Variants in MYO16 observed in about 807,000 individuals in gnomAD.
MYO16 encodes the protein myosin XVI.
MYO16 carries 94 observed loss-of-function variants against 205.3 expected under a neutral mutation model. The ratio of observed to expected loss-of-function variants is 0.46; its 90% confidence interval spans 0.39 to 0.54. The LOEUF (loss-of-function observed/expected upper bound fraction) is 0.54, where lower values mean the gene tolerates loss of function less well. Among genes scored for constraint, MYO16 ranks in the 20% least tolerant of loss-of-function variants. MYO16 has a pLI of 0.00. For synonymous variants in MYO16, 988 were observed against 954.0 expected, an observed-to-expected ratio of 1.04 and a Z score of -0.66; for missense variants, 2,315 against 2,387.5, an observed-to-expected ratio of 0.97 and a Z score of 0.63.
chr13:108,913,645 A>G (rs1267665080), intron 16 of MYO16, among the ~76,000 whole-genome samples: 1 of 152,226 alleles, frequency 6.6e-6, no homozygotes, highest in African/African-American at 2.4e-5. Flanking sequence ...CCCATAGGTA[A>G]AGGATATTGC....
chr13:108,715,410 T>C (rs1187597686), intron 3 of MYO16, among the ~76,000 whole-genome samples: 1 of 152,188 alleles, frequency 6.6e-6, no homozygotes, highest in Non-Finnish European at 1.5e-5. Flanking sequence ...TTCCCATCTT[T>C]TATAGCACAC....
chr13:108,543,541 C>T, the MYO16 span, among the ~76,000 whole-genome samples: 3 of 149,698 alleles, frequency 2.0e-5, no homozygotes, highest in Middle Eastern at 3.6e-3. Flanking sequence ...ACTCCGGAGG[C>T]TGAGGAAGGA....
At chr13:108,894,627 C>G (rs991593170) in intron 14 of MYO16, among the ~76,000 whole-genome samples, 14 of 152,136 alleles carry the variant, frequency 9.2e-5, no homozygotes, top group Admixed American at 9.2e-4. Context: ...AGGTCAAACA[C>G]TTATTCTTAC....
intron 2 of MYO16, among the ~76,000 whole-genome samples, chr13:108,694,840 C>T (rs576414816): frequency 6.6e-6 from 1 of 152,176 alleles, no homozygotes; most frequent in South Asian, 2.1e-4. Context: ...TGGCCAGGTG[C>T]CATGGCTTAC....
At chr13:109,040,131 A>G (rs1228037720) in intron 23 of MYO16, among the ~76,000 whole-genome samples, 1 of 152,098 alleles carries the variant, frequency 6.6e-6, no homozygotes, top group Non-Finnish European at 1.5e-5. Context: ...CCCAATATGA[A>G]ATAGACAATT....
At chr13:108,803,240 C>T (rs1395913331) in intron 6 of MYO16, among the ~76,000 whole-genome samples, 1 of 152,140 alleles carries the variant, frequency 6.6e-6, no homozygotes, top group Non-Finnish European at 1.5e-5. Context: ...GCCTTAAACC[C>T]TGTCCAGAGC....
chr13:108,658,853 A>G (rs1332779650), intron 1 of MYO16, among the ~76,000 whole-genome samples: 2 of 152,158 alleles, frequency 1.3e-5, no homozygotes, highest in African/African-American at 4.8e-5. Flanking sequence ...TTGGAAAAGA[A>G]TGTTTCCTGC....
chr13:108,657,212 G>T lies in MYO16; in HGVS notation c.29-8674G>T, dbSNP rs544954881. Among the ~76,000 whole-genome samples the T allele has an allele frequency of 3.8e-4, 58 of 152,292 alleles. No homozygotes were observed. The South Asian group carries it at 0.012, about 30-fold the overall frequency. ...CTGAATATGCTCCCTCCATTGTCTA[G>T]CTCTTTGGACCTCTGTCACCAATCA... is the stretch of plus-strand genomic sequence containing the variant. On this transcript the variant is annotated intron_variant, in intron 1 of 34. Transcript: ENST00000457511.
chr13:108,924,036 G>A (rs935360099), intron 16 of MYO16, among the ~76,000 whole-genome samples: 13 of 152,080 alleles, frequency 8.5e-5, no homozygotes, highest in Non-Finnish European at 1.8e-4. Flanking sequence ...AAATCTTAGA[G>A]ACAGAAAAGG....
rs1288093805 is a variant in MYO16 at position 109,023,267 on chromosome 13, A to C, written c.2796+3356A>C. Among the ~76,000 whole-genome samples, 177 of 83,222 alleles carry C rather than the reference A, an allele frequency of 2.1e-3. 1 individual carries two copies. The highest frequency in any genetic ancestry group is 2.9e-3 in the Non-Finnish European group (137 of 47,466). The allele number at this position is 83,222 out of a possible 152,430, so 54.6% of individuals were successfully genotyped here. A position where few individuals can be genotyped will look rare whatever the true frequency, so the allele number is the denominator to read the frequency against. ...ATATATATATTTATATATTATACAG[A>C]TATAAATATATATATTTATATATTA... On this transcript the variant is annotated intron_variant, in intron 23 of 34. Transcript: ENST00000457511.
intron 2 of MYO16, among the ~76,000 whole-genome samples, chr13:108,702,129 A>G (rs1883333395): frequency 6.6e-6 from 1 of 152,212 alleles, no homozygotes; most frequent in South Asian, 2.1e-4. Context: ...CAAGGCAGAA[A>G]GAATATTGGA....
intron 2 of MYO16, among the ~76,000 whole-genome samples, chr13:108,698,281 AG>A (rs1459407266): frequency 2.6e-5 from 4 of 152,336 alleles, no homozygotes; most frequent in African/African-American, 9.6e-5. Context: ...GAACAGCTAA[AG>A]GAGGTAATGT....
intron 2 of MYO16, among the ~76,000 whole-genome samples, chr13:108,667,320 G>GTTTTTTTT (rs770988720): frequency 3.9e-5 from 5 of 128,536 alleles, no homozygotes; most frequent in African/African-American, 8.6e-5. Flanking sequence ...TTTCTGTTTT[G>GTTTTTTTT]TTTTTTTTTT....
chr13:108,997,254 A>T (rs1594456159), intron 21 of MYO16, among the ~76,000 whole-genome samples: 1 of 151,254 alleles, frequency 6.6e-6, no homozygotes, highest in Non-Finnish European at 1.5e-5. Flanking sequence ...GGATTGCGCT[A>T]CTGCACTCCC....
At chr13:108,741,747 T>C (rs1248599335) in intron 4 of MYO16, among the ~76,000 whole-genome samples, 1 of 152,196 alleles carries the variant, frequency 6.6e-6, no homozygotes, top group East Asian at 1.9e-4. Flanking sequence ...AACAAAACTA[T>C]TGACACTTTT....
In MYO16 at chr13:109,127,475, C is replaced by T; in HGVS notation, c.3976C>T (p.Pro1326Ser). 3 of 1,613,920 alleles carry T rather than the reference C, an allele frequency of 1.9e-6. No individual in the cohort carries two copies. The highest frequency in any genetic ancestry group is 2.5e-6 in the Non-Finnish European group (3 of 1,180,006). ...GCCCCCGCCCAAGCCAAAGAGGGAC[C>T]CCAACACCCGGCTGAGTGCTTCCTA... ...KQPPPKPKRD[P>S]NTRLSASYEA... The change falls in exon 31 of 35, where the codon CCC (proline) becomes TCC (serine). Residue 1326 changes from proline to serine, a missense_variant. By Grantham distance (74) the Pro-to-Ser change is moderately conservative (BLOSUM62 -1). Transcript: ENST00000457511. This position sits in a 1 kb window ranked among gnomAD's most constrained non-coding sequence, Gnocchi z 4.2.
At chr13:108,700,856 T>A (rs1284403455) in intron 2 of MYO16, among the ~76,000 whole-genome samples, 1 of 152,174 alleles carries the variant, frequency 6.6e-6, no homozygotes, top group Admixed American at 6.5e-5. Flanking sequence ...TTCAGAGCTG[T>A]GGGTATGCTC....
intron 28 of MYO16, among the ~76,000 whole-genome samples, chr13:109,107,697 T>C (rs889277745): frequency 6.6e-6 from 1 of 151,788 alleles, no homozygotes; most frequent in Non-Finnish European, 1.5e-5. Context: ...GATTCTTTCT[T>C]CTGTATCCTT....
chr13:108,755,553 C>CA (rs200190650), intron 4 of MYO16, among the ~76,000 whole-genome samples: 9,120 of 136,622 alleles, frequency 0.067, 441 homozygotes, highest in East Asian at 0.28. Context: ...CTTCAAATTG[C>CA]AAAAAAAAAA....
Sources: gnomAD v4.1 joint callset for allele counts (sites outside exome capture counted in the v4.1 genomes callset) on GRCh38, gnomAD v4.1.1 for gene constraint, Gnocchi (gnomAD v3.1) non-coding constraint, MANE v1.5 for transcripts, NCBI Gene and HGNC (gene_info 2026-07-23, HGNC 2026-07-21) for gene names.